The following APMAP variants were observed in gnomAD, a reference collection of about 807,000 sequenced individuals.
APMAP encodes the protein adipocyte plasma membrane-associated protein.
In APMAP, 33 loss-of-function variants were observed where a neutral mutation model predicts 43.6. That is an observed-to-expected ratio of 0.76 (90% CI 0.57 to 1.01). The LOEUF is 1.01. APMAP is among the 50% of genes least tolerant of loss of function. The pLI is 0.00. For missense variants in APMAP, 498 were observed against 540.7 expected, an observed-to-expected ratio of 0.92 and a Z score of 0.78; for synonymous variants, 224 against 216.7, an observed-to-expected ratio of 1.03 and a Z score of -0.30.
At chr20:24,967,911 C>T (rs565059538) in intron 8 of APMAP, among the ~76,000 whole-genome samples, 2 of 152,354 alleles carry the variant, frequency 1.3e-5, no homozygotes, top group South Asian at 2.1e-4. Flanking sequence ...ACCCACAGAA[C>T]TCACATCACT....
intron 2 of APMAP, 68 bp from the exon 3 acceptor site, chr20:24,978,950 C>G: frequency 7.8e-7 from 1 of 1,275,076 alleles, no homozygotes; most frequent in Middle Eastern, 1.9e-4. Flanking sequence ...GTACCGAGCA[C>G]CTGCTCTCAG....
chr20:24,972,118 G>A (rs181486704), intron 4 of APMAP, among the ~76,000 whole-genome samples: 33 of 149,116 alleles, frequency 2.2e-4, no homozygotes, highest in African/African-American at 7.7e-4. Flanking sequence ...GGTGTTCACT[G>A]TGGGGTGCTC....
chr20:24,972,227 G>A (rs1417157950), intron 4 of APMAP, among the ~76,000 whole-genome samples: 12 of 145,582 alleles, frequency 8.2e-5, no homozygotes, highest in African/African-American at 2.1e-4. Flanking sequence ...GGTGCTTACT[G>A]CAGGGTGTTC....
At chr20:24,968,785 G>C (rs2087969546) in intron 8 of APMAP, 107 bp downstream of exon 8, 1 of 1,133,934 alleles carries the variant, frequency 8.8e-7, no homozygotes. Flanking sequence ...GTGTCATTCA[G>C]AGCCAAATAC....
intron 2 of APMAP, among the ~76,000 whole-genome samples, chr20:24,981,076 G>A (rs2088100610): frequency 6.6e-6 from 1 of 152,216 alleles, no homozygotes; most frequent in African/African-American, 2.4e-5. Context: ...ACAAAGAGAA[G>A]GATGGTCGCT....
intron 3 of APMAP, among the ~76,000 whole-genome samples, chr20:24,975,332 T>C (rs2088041710): frequency 6.6e-6 from 1 of 152,202 alleles, no homozygotes; most frequent in African/African-American, 2.4e-5. Context: ...AATTATAGCA[T>C]GGTTGCAGGA....
intron 1 of APMAP, among the ~76,000 whole-genome samples, chr20:24,986,477 G>A (rs556688059): frequency 6.6e-6 from 1 of 152,258 alleles, no homozygotes; most frequent in South Asian, 2.1e-4. Context: ...CCAAACCCCA[G>A]GACCAAATAA....
At position 24,973,645 on chromosome 20, in the gene APMAP, T is replaced by C. The variant is rs2088025098; in HGVS notation, c.421A>G (p.Lys141Glu). 6.2e-7 allele frequency: 1 copy of C among 1,613,340 alleles called. No homozygotes were observed. Among genetic ancestry groups the C allele is most frequent in the Non-Finnish European group, 8.5e-7 (1 of 1,179,332 alleles). Residue 141 changes from lysine to glutamate, a missense_variant and splice_region_variant, in exon 4 of 9, where the codon AAA becomes GAA. Transcript: ENST00000217456. ...CATCGAGGGATTATCACCAACTTAC[T>C]GCAAGGGCCCGAACCAAACCGGGCA... ...TIARFGSGPC[K>E]TRDDEPVCGR...
At chr20:24,988,892 G>A (rs919285895) in intron 1 of APMAP, among the ~76,000 whole-genome samples, 2 of 152,218 alleles carry the variant, frequency 1.3e-5, no homozygotes, top group Non-Finnish European at 2.9e-5. Context: ...AAATACAATA[G>A]CTACTAGCCA....
At position 24,964,840 on chromosome 20, in the gene APMAP, C is replaced by G. The variant is rs148346696; in HGVS notation, c.1042-818G>C. On this transcript the variant is annotated intron_variant, in intron 8 of 8. Transcript: ENST00000217456. ...TCCAACGAATAATGTCTCCCAGTCA[C>G]TGGAAATGTTCAAGCAGACAGACAA... 6.8e-3 allele frequency among the ~76,000 whole-genome samples: 1,036 copies of G among 152,206 alleles called. 12 individuals carry two copies. The highest frequency in any genetic ancestry group is 0.024 in the African/African-American group (991 of 41,520).
rs1169775125 is a variant in APMAP at position 24,978,791 on chromosome 20, GT to G, written c.303del (p.Pro102ArgfsTer4). Reference protein sequence around the residue: ...AERLFENQLVGPESIAHIGDV... With the variant: ...AERLFENQLVXPESIAHIGDV... ...CCCCCAATATGTGCTATGGACTCCG[GT>G]CCAACAAGTTGATTTTCAAACAGCC... On this transcript the variant is annotated frameshift_variant, in exon 3 of 9. Coordinates refer to ENST00000217456, the MANE Select transcript of APMAP (RefSeq NM_020531.3). LOFTEE classifies it high-confidence loss of function. The G allele has an allele frequency of 6.2e-6, 10 of 1,607,554 alleles. No homozygotes were observed. Among genetic ancestry groups the G allele is most frequent in the Non-Finnish European group, 8.5e-6 (10 of 1,177,614 alleles).
chr20:24,981,757 C>A (rs934406899), intron 2 of APMAP, among the ~76,000 whole-genome samples: 34 of 152,354 alleles, frequency 2.2e-4, no homozygotes, highest in African/African-American at 7.9e-4. Flanking sequence ...CTCCAAAATG[C>A]TGCTCTATTT....
At chr20:24,977,971 C>T (rs960537262) in intron 3 of APMAP, among the ~76,000 whole-genome samples, 1 of 152,202 alleles carries the variant, frequency 6.6e-6, no homozygotes, top group Non-Finnish European at 1.5e-5. Flanking sequence ...GCAAGAGAAG[C>T]TGGTCAAACG....
At chr20:24,977,384 TAAAAATAAAGTCTACTTAA>T (rs1052611161) in intron 3 of APMAP, among the ~76,000 whole-genome samples, 2 of 152,240 alleles carry the variant, frequency 1.3e-5, no homozygotes, top group Admixed American at 1.3e-4. Flanking sequence ...AAACTGCTCT[TAAAAATAAAGTCTACTTAA>T]AAACAAATAA....
rs758683168 is a variant in APMAP at position 24,973,671 on chromosome 20, A to G, written c.395T>C (p.Ile132Thr). Residue 132 changes from isoleucine (I) to threonine (T), a missense_variant, in exon 4 of 9, where the codon ATT (isoleucine) becomes ACT (threonine). Ile to Thr is a moderately conservative substitution (Grantham distance 89). Transcript: ENST00000217456. The stretch of plus-strand genomic sequence containing the variant: ...GCAAGGGCCCGAACCAAACCGGGCA[A>G]TGGTCTCTATTTCACCATTTTCAAG... ...VKLENGEIET[I>T]ARFGSGPCKT... The G allele has an allele frequency of 6.2e-7, 1 of 1,614,162 alleles. No individual in the cohort carries two copies. The highest frequency in any genetic ancestry group is 1.1e-5 in the South Asian group (1 of 91,078).
chr20:24,973,688 A>G lies in APMAP; in HGVS notation c.378T>C (p.Asn126=), dbSNP rs373602000. Residue 126 remains asparagine (N), a synonymous_variant, in exon 4 of 9, where the codon AAT becomes AAC. Transcript: ENST00000217456. ...ACCGGGCAATGGTCTCTATTTCACCATTTTCAAGTTTTACGACCCGGCCAT... is the reference window on the plus strand; with the variant it reads ...ACCGGGCAATGGTCTCTATTTCACCGTTTTCAAGTTTTACGACCCGGCCAT... ...TADGRVVKLE[N]GEIETIARFG... is the part of the protein sequence containing the mutation. 3.1e-6 allele frequency: 5 copies of G among 1,613,992 alleles called. No individual in the cohort carries two copies. The highest frequency in any genetic ancestry group is 2.5e-6 in the Non-Finnish European group (3 of 1,179,994).
At chr20:24,966,917 C>T (rs548841799) in intron 8 of APMAP, among the ~76,000 whole-genome samples, 227 of 152,244 alleles carry the variant, frequency 1.5e-3, no homozygotes, top group African/African-American at 5.1e-3. Context: ...AGGCCAGCCG[C>T]TAACTCGGAA....
intron 3 of APMAP, 21 bp downstream of exon 3, chr20:24,978,746 C>CCG (rs773718760): frequency 5.6e-6 from 7 of 1,255,852 alleles, no homozygotes; most frequent in African/African-American, 1.6e-5. Flanking sequence ...AGGCTCCCCC[C>CCG]CCACCCAAGC....
intron 1 of APMAP, among the ~76,000 whole-genome samples, chr20:24,986,975 C>G (rs536758618): frequency 6.6e-6 from 1 of 152,352 alleles, no homozygotes; most frequent in East Asian, 1.9e-4. Context: ...TAAGTGGAAT[C>G]ATACAACAAG....
Sources: allele counts gnomAD v4.1 joint callset (sites outside exome capture counted in the v4.1 genomes callset), GRCh38; gene constraint gnomAD v4.1.1; transcripts MANE v1.5; gene names NCBI Gene and HGNC (gene_info 2026-07-23, HGNC 2026-07-21).